The following PTPRN2 variants were observed in gnomAD, a reference collection of about 807,000 sequenced individuals.
PTPRN2 encodes protein tyrosine phosphatase receptor type N2, also known as receptor-type tyrosine-protein phosphatase N2.
A neutral mutation model predicts 118.8 loss-of-function variants in PTPRN2; 74 were observed. That is an observed-to-expected ratio of 0.62 (90% confidence interval 0.52 to 0.76). The LOEUF (loss-of-function observed/expected upper bound fraction) is 0.76. Ranked by LOEUF, PTPRN2 falls within the 30% of genes least tolerant of loss-of-function variation. The pLI, the probability that PTPRN2 is intolerant of heterozygous loss-of-function variation, is 0.00. For missense variants in PTPRN2, 1,481 were observed against 1,394.4 expected, an observed-to-expected ratio of 1.06 and a Z score of -0.99; for synonymous variants, 641 against 608.0, an observed-to-expected ratio of 1.05 and a Z score of -0.80.
intron 13 of PTPRN2, among the ~76,000 whole-genome samples, chr7:157,681,231 C>T (rs758409081): frequency 3.3e-5 from 5 of 152,136 alleles, no homozygotes; most frequent in African/African-American, 7.2e-5. Flanking sequence ...TATGATCTTC[C>T]GTCTCTCACG....
intron 6 of PTPRN2, among the ~76,000 whole-genome samples, chr7:158,150,599 C>T (rs895763136): frequency 3.3e-5 from 5 of 152,134 alleles, no homozygotes; most frequent in African/African-American, 1.2e-4. Context: ...TATGGAAAGA[C>T]CTTTTCTCCT....
intron 11 of PTPRN2, among the ~76,000 whole-genome samples, chr7:158,065,888 T>C (rs928804889): frequency 6.6e-6 from 1 of 152,198 alleles, no homozygotes; most frequent in Non-Finnish European, 1.5e-5. Flanking sequence ...TAAGAAATTA[T>C]GTGGCCATTC....
intron 9 of PTPRN2, among the ~76,000 whole-genome samples, chr7:158,128,843 C>G (rs1381549476): frequency 2.0e-5 from 3 of 152,086 alleles, no homozygotes; most frequent in Non-Finnish European, 4.4e-5. Flanking sequence ...GGCTCAAGTC[C>G]CCAGGACACC....
rs182060173 is a variant in PTPRN2 at position 158,139,692 on chromosome 7, C to T, written c.911-1177G>A. On this transcript the variant is annotated intron_variant, in intron 6 of 22. Coordinates refer to ENST00000389418, the MANE Select transcript of PTPRN2 (RefSeq NM_002847.5). ...TTCCTGGAAAGCAGCGGGGGCGGGG[C>T]GGGGGGAAGACACGCTCCACACATG... Among the ~76,000 whole-genome samples, 372 of 151,288 alleles carry T rather than the reference C, an allele frequency of 2.5e-3. 1 individual carries two copies. The highest frequency in any genetic ancestry group is 5.0e-3 in the Admixed American group (76 of 15,182).
chr7:157,848,029 C>T (rs1209623221), intron 12 of PTPRN2, among the ~76,000 whole-genome samples: 5 of 151,112 alleles, frequency 3.3e-5, no homozygotes, highest in African/African-American at 4.9e-5. Context: ...AGCCCTCTCT[C>T]ATTACATCGT....
In PTPRN2 at chr7:158,335,356, T is replaced by C. The variant is rs62480949; in HGVS notation, c.164-18424A>G. Among the ~76,000 whole-genome samples, 39 of 10,656 alleles carry C rather than the reference T, an allele frequency of 3.7e-3. 16 individuals are homozygous for C. Among genetic ancestry groups the C allele is most frequent in the East Asian group, 9.8e-3 (5 of 512 alleles). 7.0% of individuals were successfully genotyped at this position (10,656 alleles called of 152,430 possible). On this transcript the variant is annotated intron_variant, in intron 2 of 22. Transcript: ENST00000389418. ...CACCATAAGAGGTGACACCTGCAGA[T>C]ATCACTCACACCCATACTCTCACCA...
rs73729762 is a variant in PTPRN2, at chr7:158,358,720, C to T, written c.164-41788G>A. Among the ~76,000 whole-genome samples, 1,073 of 152,300 alleles carry T rather than the reference C, an allele frequency of 7.0e-3. 11 individuals carry two copies. Among genetic ancestry groups the T allele is most frequent in the African/African-American group, 0.024 (1,018 of 41,560 alleles). ...TTCGGCTGCAGCCGGGCACATGCTC[C>T]GATTGCACTGATACGTGGCCCCCAG... On this transcript the variant is annotated intron_variant, in intron 2 of 22. Transcript: ENST00000389418.
rs745651605 is a variant in PTPRN2 at position 157,813,446 on chromosome 7, T to A, written c.1788+85227A>T. ...CCATTCAGGTCCCCAAAACAGCATG[T>A]GCAGCTCTCGTTAAATGGAAAAGGC... is the stretch of plus-strand genomic sequence containing the variant. On this transcript the variant is annotated intron_variant, in intron 12 of 22. Coordinates refer to ENST00000389418, the MANE Select transcript of PTPRN2 (RefSeq NM_002847.5). This position sits in a 1 kb window ranked among gnomAD's most constrained non-coding sequence, Gnocchi z 4.7. Among the ~76,000 whole-genome samples the A allele has an allele frequency of 3.9e-4, 59 of 152,134 alleles. No homozygotes were observed. The highest frequency in any genetic ancestry group is 7.8e-4 in the Non-Finnish European group (53 of 68,024).
intron 2 of PTPRN2, among the ~76,000 whole-genome samples, chr7:158,487,533 T>TA (rs1211513633): frequency 6.6e-6 from 1 of 152,168 alleles, no homozygotes; most frequent in African/African-American, 2.4e-5. Context: ...GTTGGGCTTT[T>TA]AAAAAACATA....
At chr7:157,809,638 G>A (rs764436829) in intron 12 of PTPRN2, among the ~76,000 whole-genome samples, 27 of 152,262 alleles carry the variant, frequency 1.8e-4, no homozygotes, top group Admixed American at 5.2e-4. Context: ...GACACGCCCC[G>A]AGGACGGAGA....
chr7:158,264,621 G>C (rs1488937011), intron 3 of PTPRN2, among the ~76,000 whole-genome samples: 2 of 152,144 alleles, frequency 1.3e-5, no homozygotes, highest in African/African-American at 2.4e-5. Flanking sequence ...CACTGCCCCA[G>C]ATTCACCTCG....
intron 3 of PTPRN2, among the ~76,000 whole-genome samples, chr7:158,253,634 T>G (rs1796832865): frequency 6.6e-6 from 1 of 152,088 alleles, no homozygotes; most frequent in Admixed American, 6.5e-5. Flanking sequence ...CCTTGAGTCT[T>G]CCATGAGAAT....
At chr7:157,720,257 G>A (rs1268685426) in intron 12 of PTPRN2, among the ~76,000 whole-genome samples, 1 of 152,198 alleles carries the variant, frequency 6.6e-6, no homozygotes, top group Non-Finnish European at 1.5e-5. Flanking sequence ...CTTAGGTTCA[G>A]TTGGTAGCTA....
intron 11 of PTPRN2, among the ~76,000 whole-genome samples, chr7:157,930,116 T>G (rs868659754): frequency 1.2e-4 from 18 of 152,254 alleles, no homozygotes; most frequent in Middle Eastern, 3.4e-3. Context: ...TGCCTCAAGA[T>G]GTTTTCCGGA....
At chr7:158,138,241 C>T (rs1819019031) in intron 7 of PTPRN2, 53 bp downstream of exon 7, 2 of 1,542,600 alleles carry the variant, frequency 1.3e-6, no homozygotes, top group Admixed American at 3.5e-5. Flanking sequence ...AGCCCTGAGG[C>T]CTCCCCTCCC....
chr7:158,177,452 T>C (rs537647220), intron 5 of PTPRN2, among the ~76,000 whole-genome samples: 14 of 152,284 alleles, frequency 9.2e-5, no homozygotes, highest in African/African-American at 3.1e-4. Flanking sequence ...TGAGATATAA[T>C]TGACATACAA....
chr7:158,246,913 G>A (rs1393994605), intron 3 of PTPRN2, among the ~76,000 whole-genome samples: 2 of 152,178 alleles, frequency 1.3e-5, no homozygotes, highest in African/African-American at 4.8e-5. Flanking sequence ...GCTACACCAG[G>A]AATGCGCGGC....
chr7:157,602,511 C>G (rs1264738101), intron 16 of PTPRN2, among the ~76,000 whole-genome samples: 1 of 151,250 alleles, frequency 6.6e-6, no homozygotes, highest in Non-Finnish European at 1.5e-5. Flanking sequence ...ACCAGCAGAG[C>G]CGAGAGCTGA....
At chr7:158,070,342 CG>C (rs1811135132) in intron 11 of PTPRN2, among the ~76,000 whole-genome samples, 8 of 123,804 alleles carry the variant, frequency 6.5e-5, no homozygotes, top group African/African-American at 2.1e-4. Context: ...TGGAGGTGCC[CG>C]TGGTGGTGGA....
Sources: gnomAD v4.1 joint callset for allele counts (sites outside exome capture counted in the v4.1 genomes callset) on GRCh38, gnomAD v4.1.1 for gene constraint, Gnocchi (gnomAD v3.1) non-coding constraint, MANE v1.5 for transcripts, NCBI Gene and HGNC (gene_info 2026-07-23, HGNC 2026-07-21) for gene names.